Variants in CYBRD1 observed in about 807,000 individuals in gnomAD.
CYBRD1 encodes cytochrome b reductase 1.
In CYBRD1, 14 loss-of-function variants were observed where a neutral mutation model predicts 21.9. That is an observed-to-expected ratio of 0.64 (90% CI 0.42 to 1.00). CYBRD1 has a LOEUF of 1.00. Among genes scored for constraint, CYBRD1 ranks in the 50% least tolerant of loss-of-function variants. CYBRD1 has a pLI of 0.00. For missense variants in CYBRD1, 328 were observed against 352.5 expected (o/e 0.93, Z 0.56); for synonymous variants, 146 against 136.5 (o/e 1.07, Z -0.48).
chr2:171,529,388 G>A (rs752212718), intron 1 of CYBRD1, among the ~76,000 whole-genome samples: 5 of 151,880 alleles, frequency 3.3e-5, no homozygotes, highest in East Asian at 1.9e-4. Context: ...AAAATTAGCC[G>A]GGCAGGGTGG....
chr2:171,534,736 G>A (rs1214307606), intron 1 of CYBRD1, among the ~76,000 whole-genome samples: 1 of 152,128 alleles, frequency 6.6e-6, no homozygotes, highest in Non-Finnish European at 1.5e-5. Flanking sequence ...AGACTAATTG[G>A]CTAGTGGGTT....
In CYBRD1 at chr2:171,556,598, A is replaced by G. The variant is rs1683492354; in HGVS notation, c.*1771A>G. 3 of 152,138 alleles carry G rather than the reference A, an allele frequency of 2.0e-5. No homozygotes were observed. The highest frequency in any genetic ancestry group is 1.3e-4 in the Admixed American group (2 of 15,268). 9.4% of individuals were successfully genotyped at this position (152,138 alleles called of 1,614,324 possible). A position where few individuals can be genotyped will look rare whatever the true frequency, so the allele number is the denominator to read the frequency against. On this transcript the variant is annotated 3_prime_UTR_variant, in exon 4 of 4. Coordinates refer to ENST00000321348, the MANE Select transcript of CYBRD1 (RefSeq NM_024843.4). ...ACTGGTACTTACTTCCAAAGACTGA[A>G]TACAAGCCACACTCCATCATATCCC...
chr2:171,528,802 A>G (rs1697421777), intron 1 of CYBRD1, among the ~76,000 whole-genome samples: 1 of 152,154 alleles, frequency 6.6e-6, no homozygotes, highest in South Asian at 2.1e-4. Context: ...AACTCCTCCC[A>G]TAGGTTCCAC....
In CYBRD1 at chr2:171,541,780, G is replaced by T. The variant is rs763248296; in HGVS notation, c.389G>T (p.Cys130Phe). ...TGGGTTGGACTGATAGCTGTCATAT[G>T]CTATTTGTTACAGGTCAGTATTTCA... ...HSWVGLIAVI[C>F]YLLQLLSGFS... is the part of the protein sequence containing the mutation. The change falls in exon 2 of 4, where the codon TGC becomes TTC. Residue 130 changes from cysteine to phenylalanine, a missense_variant. Coordinates refer to ENST00000321348, the MANE Select transcript of CYBRD1 (RefSeq NM_024843.4). 1 of 1,612,462 alleles carries T rather than the reference G, an allele frequency of 6.2e-7. No homozygotes were observed. Among genetic ancestry groups the T allele is most frequent in the South Asian group, 1.1e-5 (1 of 91,030 alleles).
chr2:171,551,378 T>C (rs1227186873), intron 2 of CYBRD1, among the ~76,000 whole-genome samples: 2 of 152,124 alleles, frequency 1.3e-5, no homozygotes, highest in Non-Finnish European at 2.9e-5. Flanking sequence ...CTCTGAACCA[T>C]TTCTAATATA....
Position 171,537,838 on chromosome 2 carries a change from A to G in CYBRD1, c.194-3747A>G, listed in dbSNP as rs147561718. Among the ~76,000 whole-genome samples the G allele has an allele frequency of 8.9e-3, 1,360 of 152,332 alleles. 20 individuals carry two copies. Among genetic ancestry groups the G allele is most frequent in the African/African-American group, 0.027 (1,141 of 41,572 alleles). On this transcript the variant is annotated intron_variant, in intron 1 of 3. Transcript: ENST00000321348. ...TATGCTATATGCTTTCAAGTAGCTA[A>G]AAGAGAGGATATTGAATGTTTTCAA...
At chr2:171,553,891 CACAA>C (rs1402852227) in intron 3 of CYBRD1, among the ~76,000 whole-genome samples, 2 of 152,030 alleles carry the variant, frequency 1.3e-5, no homozygotes, top group Non-Finnish European at 2.9e-5. Context: ...GGACAAAACA[CACAA>C]ACAAAGCAAG....
At position 171,554,850 on chromosome 2, in the gene CYBRD1, A is replaced by G; in HGVS notation, c.*23A>G. 1 of 1,611,398 alleles carries G rather than the reference A, an allele frequency of 6.2e-7. No individual in the cohort carries two copies. The highest frequency in any genetic ancestry group is 8.5e-7 in the Non-Finnish European group (1 of 1,179,332). The stretch of plus-strand genomic sequence containing the variant: ...TAAAATGTTGTAGAGATAGAGCCAT[A>G]TAACGTCACGTTTCAAAACTAGCTC... On this transcript the variant is annotated 3_prime_UTR_variant, in exon 4 of 4. Coordinates refer to ENST00000321348, the MANE Select transcript of CYBRD1 (RefSeq NM_024843.4).
intron 1 of CYBRD1, among the ~76,000 whole-genome samples, chr2:171,536,472 AT>A (rs1559315904): frequency 6.6e-6 from 1 of 151,820 alleles, no homozygotes; most frequent in Non-Finnish European, 1.5e-5. Context: ...TGCCCAGCTG[AT>A]TTTTGTGTTT....
Position 171,522,485 on chromosome 2 carries a change from G to A in CYBRD1, c.-61G>A. 3 of 1,549,680 alleles carry A rather than the reference G, an allele frequency of 1.9e-6. No individual in the cohort carries two copies. The highest frequency in any genetic ancestry group is 2.0e-5 in the Admixed American group (1 of 51,022). ...GGTCCCGCCGCCCGGCCACTACCCAGAGGGCTGCCGCCGCCTCTCCAAGTT... is the reference window on the plus strand; with the variant it reads ...GGTCCCGCCGCCCGGCCACTACCCAAAGGGCTGCCGCCGCCTCTCCAAGTT... On this transcript the variant is annotated 5_prime_UTR_variant, in exon 1 of 4. Coordinates refer to ENST00000321348, the MANE Select transcript of CYBRD1 (RefSeq NM_024843.4). The surrounding 1 kb of genome is among the most constrained non-coding windows in gnomAD (Gnocchi z 4.3).
At chr2:171,526,307 C>T (rs1177125872) in intron 1 of CYBRD1, among the ~76,000 whole-genome samples, 2 of 152,052 alleles carry the variant, frequency 1.3e-5, no homozygotes, top group Non-Finnish European at 2.9e-5. Context: ...GCAAAGCTAA[C>T]ATAGAAGTTA....
chr2:171,522,721 T>C lies in CYBRD1; in HGVS notation c.176T>C (p.Val59Ala). The change falls in exon 1 of 4, where the codon GTC (valine) becomes GCC (alanine). Residue 59 changes from valine (V) to alanine (A), a missense_variant. By Grantham distance (64) the Val-to-Ala change is moderately conservative. Transcript: ENST00000321348. This position sits in a 1 kb window ranked among gnomAD's most constrained non-coding sequence, Gnocchi z 4.3. Reference sequence around the variant, plus strand: ...CCAGTGCTCATGGTCACCGGCTTCGTCTTCATCCAGGGCATCGGTACTGGC... The same window carrying C: ...CCAGTGCTCATGGTCACCGGCTTCGCCTTCATCCAGGGCATCGGTACTGGC... The part of the protein sequence containing the change: ...WHPVLMVTGF[V>A]FIQGIAIIVY... 6.2e-7 allele frequency: 1 copy of C among 1,613,408 alleles called. No individual in the cohort carries two copies. The highest frequency in any genetic ancestry group is 8.5e-7 in the Non-Finnish European group (1 of 1,179,892).
intron 1 of CYBRD1, among the ~76,000 whole-genome samples, chr2:171,527,644 G>A (rs1480128014): frequency 1.3e-5 from 2 of 152,138 alleles, no homozygotes; most frequent in African/African-American, 2.4e-5. Context: ...GAATGTTGCT[G>A]CTTAAGTACA....
chr2:171,549,699 C>T (rs1697771302), intron 2 of CYBRD1, among the ~76,000 whole-genome samples: 1 of 152,162 alleles, frequency 6.6e-6, no homozygotes, highest in Non-Finnish European at 1.5e-5. Context: ...AATTTTTAAA[C>T]ATAATTGGGT....
At chr2:171,541,861 C>CT (rs57998592) in intron 2 of CYBRD1, 68 bp downstream of exon 2, 66,123 of 713,488 alleles carry the variant, frequency 0.093, 27 homozygotes, top group Middle Eastern at 0.12. Context: ...GTTTTCTTTT[C>CT]TTTTTTTTTT....
Position 171,541,668 on chromosome 2 carries a change from G to A in CYBRD1, c.277G>A (p.Ala93Thr), listed in dbSNP as rs1468545650. Residue 93 changes from alanine (A) to threonine (T), a missense_variant, in exon 2 of 4, where the codon GCT (alanine) becomes ACT (threonine). Transcript: ENST00000321348. ...CATCCATGCAGGGTTAAATGCAGTT[G>A]CTGCCATTCTTGCAATTATCTCTGT... The part of the protein sequence containing the change: ...KSIHAGLNAV[A>T]AILAIISVVA... The A allele has an allele frequency of 1.2e-6, 2 of 1,613,740 alleles. No homozygotes were observed. The highest frequency in any genetic ancestry group is 3.3e-5 in the Admixed American group (2 of 59,970).
chr2:171,546,540 A>G (rs1357483585), intron 2 of CYBRD1, among the ~76,000 whole-genome samples: 2 of 152,212 alleles, frequency 1.3e-5, no homozygotes, highest in Non-Finnish European at 2.9e-5. Context: ...TATATTCAGC[A>G]GTGAACCGAA....
intron 2 of CYBRD1, among the ~76,000 whole-genome samples, chr2:171,542,153 C>T (rs556186230): frequency 4.9e-4 from 75 of 152,068 alleles, no homozygotes; most frequent in South Asian, 2.1e-3. Flanking sequence ...TGTGAGCCAC[C>T]GCGCCCAGTG....
intron 1 of CYBRD1, among the ~76,000 whole-genome samples, chr2:171,526,203 G>T (rs1008828885): frequency 1.7e-4 from 26 of 152,192 alleles, no homozygotes; most frequent in Middle Eastern, 3.4e-3. Flanking sequence ...GGAGGTGGAG[G>T]TTGCAGTGAG....
Sources: gnomAD v4.1 joint callset for allele counts (sites outside exome capture counted in the v4.1 genomes callset) on GRCh38, gnomAD v4.1.1 for gene constraint, Gnocchi (gnomAD v3.1) non-coding constraint, MANE v1.5 for transcripts, NCBI Gene and HGNC (gene_info 2026-07-23, HGNC 2026-07-21) for gene names.